The following TASOR2 variants were observed in gnomAD, a reference collection of about 807,000 sequenced individuals.
TASOR2 encodes the protein transcription activation suppressor family member 2.
In TASOR2, 84 loss-of-function variants were observed where a neutral mutation model predicts 199.5. The observed-to-expected ratio is 0.42, with a 90% CI of 0.35 to 0.50. The LOEUF is 0.50. Among genes scored for constraint, TASOR2 ranks in the 20% least tolerant of loss-of-function variants. TASOR2 has a pLI of 0.02. For synonymous variants in TASOR2, 1,103 were observed against 1,046.6 expected, an observed-to-expected ratio of 1.05 and a Z score of -1.04; for missense variants, 2,796 against 2,835.9, an observed-to-expected ratio of 0.99 and a Z score of 0.32.
chr10:5,689,217 T>C lies in TASOR2; in HGVS notation c.-288+4042T>C, dbSNP rs1836144861. 6.6e-6 allele frequency among the ~76,000 whole-genome samples: 1 copy of C among 152,248 alleles called. No homozygotes were observed. Among genetic ancestry groups the C allele is most frequent in the Non-Finnish European group, 1.5e-5 (1 of 68,040 alleles). On this transcript the variant is annotated intron_variant, in intron 1 of 20. Coordinates refer to ENST00000328090, the Ensembl canonical transcript of TASOR2. The surrounding 1 kb of genome is among the most constrained non-coding windows in gnomAD (Gnocchi z 4.1). Reference sequence around the variant, plus strand: ...ATTATTGCTATTGAAAAGTCACCTATCAGTCTATCAATTCATTTTGTTCTG... The same window carrying C: ...ATTATTGCTATTGAAAAGTCACCTACCAGTCTATCAATTCATTTTGTTCTG...
intron 15 of TASOR2, among the ~76,000 whole-genome samples, chr10:5,755,883 C>G (rs1005978471): frequency 6.6e-6 from 1 of 151,790 alleles, no homozygotes; most frequent in Admixed American, 6.6e-5. Flanking sequence ...CCCTAGCTAC[C>G]TGGGAGGCTG....
intron 1 of TASOR2, among the ~76,000 whole-genome samples, chr10:5,703,530 G>C (rs1838172504): frequency 9.4e-6 from 1 of 106,014 alleles, no homozygotes; most frequent in African/African-American, 3.6e-5. Context: ...TTTTGAGACA[G>C]TCTCACTCTG....
At position 5,685,886 on chromosome 10, in the gene TASOR2, T is replaced by A. The variant is rs549454468; in HGVS notation, c.-288+711T>A. Reference sequence around the variant, plus strand: ...TTCTCCCTGTAAGGTACAATTAGAATAGAAAAGTTTATGAAAGTGTATCCA... The same window carrying A: ...TTCTCCCTGTAAGGTACAATTAGAAAAGAAAAGTTTATGAAAGTGTATCCA... On this transcript the variant is annotated intron_variant, in intron 1 of 20. Transcript: ENST00000328090. The surrounding 1 kb of genome is among the most constrained non-coding windows in gnomAD (Gnocchi z 5.4). Among the ~76,000 whole-genome samples, 1 of 152,346 alleles carries A rather than the reference T, an allele frequency of 6.6e-6. No individual in the cohort carries two copies. The highest frequency in any genetic ancestry group is 1.9e-4 in the East Asian group (1 of 5,192).
chr10:5,709,732 A>G, intron 1 of TASOR2: 4 of 1,179,226 alleles, frequency 3.4e-6, no homozygotes, highest in Non-Finnish European at 4.3e-6. Flanking sequence ...AAATGTTTTT[A>G]GTTTTAATTT....
intron 1 of TASOR2, among the ~76,000 whole-genome samples, chr10:5,688,949 G>A (rs1433196618): frequency 2.6e-5 from 4 of 152,094 alleles, no homozygotes; most frequent in African/African-American, 9.7e-5. Flanking sequence ...ATTGCAGTGA[G>A]CCATCATCAT....
At chr10:5,758,850 C>T in intron 17 of TASOR2, 37 bp from the exon 19 acceptor site, 1 of 1,508,610 alleles carries the variant, frequency 6.6e-7, no homozygotes, top group Non-Finnish European at 9.2e-7. Flanking sequence ...GTACCTTAAA[C>T]TTGTCATCTT....
At chr10:5,709,352 ATG>A (rs1831624922) in intron 1 of TASOR2, among the ~76,000 whole-genome samples, 1 of 152,202 alleles carries the variant, frequency 6.6e-6, no homozygotes, top group African/African-American at 2.4e-5. Context: ...ATTTCAGATT[ATG>A]TGTTATAGCT....
chr10:5,704,809 C>A (rs10737013), intron 1 of TASOR2, among the ~76,000 whole-genome samples: 5 of 151,856 alleles, frequency 3.3e-5, no homozygotes, highest in Admixed American at 1.3e-4. Flanking sequence ...ACTTATGAAC[C>A]ATTTATATGT....
chr10:5,742,177 A>G lies in TASOR2; in HGVS notation c.2408A>G (p.Asn803Ser), dbSNP rs1464503619. The change falls in exon 14 of 21, where the codon AAT becomes AGT. Residue 803 changes from asparagine to serine, a missense_variant. Physicochemically the swap from Asn to Ser is conservative, Grantham distance 46. This residue lies in a region of TASOR2 where 1,941 missense variants were observed against 1,924.9 expected (regional missense o/e 1.01). Transcript: ENST00000328090. This position sits in a 1 kb window ranked among gnomAD's most constrained non-coding sequence, Gnocchi z 4.2. ...ATGTGGGTAGCTCTGTTTTACAGCA[A>G]TCAGAACAAAATCATACGATCTTCC... 1.2e-6 allele frequency: 2 copies of G among 1,614,198 alleles called. No homozygotes were observed. The highest frequency in any genetic ancestry group is 2.7e-5 in the African/African-American group (2 of 75,054).
chr10:5,692,769 CA>C (rs1836603945), intron 1 of TASOR2: 2 of 151,720 alleles, frequency 1.3e-5, no homozygotes, highest in Admixed American at 6.5e-5. Context: ...TGTTGACTTT[CA>C]AAAGGCGCCG....
exon 15 of TASOR2, chr10:5,749,893 T>C (rs1315479222): frequency 1.2e-6 from 2 of 1,614,210 alleles, no homozygotes; most frequent in Admixed American, 3.3e-5. Flanking sequence ...GTCAGCCTCC[T>C]ATGAAGACAT....
intron 18 of TASOR2, 108 bp from the exon 20 acceptor site, chr10:5,761,182 G>A: frequency 1.1e-6 from 1 of 904,998 alleles, no homozygotes; most frequent in Non-Finnish European, 1.7e-6. Context: ...AGAACGTCAA[G>A]AAGAAAGGCA....
Position 5,751,011 on chromosome 10 carries a change from A to C in TASOR2, c.6606+984A>C, listed in dbSNP as rs568254357. Among the ~76,000 whole-genome samples, 3 of 152,234 alleles carry C rather than the reference A, an allele frequency of 2.0e-5. No homozygotes were observed. In the South Asian group the frequency reaches 6.2e-4, roughly 32 times the overall value. On this transcript the variant is annotated intron_variant, in intron 15 of 20. Coordinates refer to ENST00000328090, the Ensembl canonical transcript of TASOR2. The surrounding 1 kb of genome is among the most constrained non-coding windows in gnomAD (Gnocchi z 5.3). ...GTGGAATTTCCTTCCGTTTGTGTTC[A>C]TGTGTTGTTTCTCCATGACTTAGGC... is the stretch of plus-strand genomic sequence containing the variant.
chr10:5,740,591 G>T lies in TASOR2; in HGVS notation c.2327+94G>T. The T allele has an allele frequency of 7.7e-7, 1 of 1,305,046 alleles. No individual in the cohort carries two copies. The highest frequency in any genetic ancestry group is 1.5e-5 in the African/African-American group (1 of 67,820). 80.8% of individuals were successfully genotyped at this position (1,305,046 alleles called of 1,614,324 possible). Reference sequence around the variant, plus strand: ...GAAACTTATGCCAAACTCTGGAGAAGGAGAAAGAAGTGTTGTGTTTAAAAC... The same window carrying T: ...GAAACTTATGCCAAACTCTGGAGAATGAGAAAGAAGTGTTGTGTTTAAAAC... On this transcript the variant is annotated intron_variant, in intron 13 of 20. Coordinates refer to ENST00000328090, the Ensembl canonical transcript of TASOR2. This position sits in a 1 kb window ranked among gnomAD's most constrained non-coding sequence, Gnocchi z 5.3.
intron 1 of TASOR2, among the ~76,000 whole-genome samples, chr10:5,692,375 G>T (rs1206433043): frequency 2.0e-5 from 3 of 152,120 alleles, no homozygotes; most frequent in African/African-American, 7.2e-5. Flanking sequence ...CTTACTAGGG[G>T]CTTGCGGGTA....
chr10:5,731,091 G>A (rs756668914), exon 11 of TASOR2: 5 of 1,613,738 alleles, frequency 3.1e-6, no homozygotes, highest in Non-Finnish European at 4.2e-6. Context: ...GTAAAAAGGT[G>A]AACTTGTGCC....
Position 5,762,103 on chromosome 10 carries a change from T to C in TASOR2, c.7175-429T>C, listed in dbSNP as rs72772339. Among the ~76,000 whole-genome samples, 956 of 152,178 alleles carry C rather than the reference T, an allele frequency of 6.3e-3. 6 individuals carry two copies. The highest frequency in any genetic ancestry group is 0.024 in the Middle Eastern group (7 of 294). ...CCAGCCTGGGCAACTTAGCGAGACC[T>C]CATCTCTACAGAAGTTGGCAGGTGT... On this transcript the variant is annotated intron_variant, in intron 19 of 20. Transcript: ENST00000328090.
Position 5,712,846 on chromosome 10 carries a change from AAAAG to A in TASOR2, c.-263_-260del. The A allele has an allele frequency of 8.1e-7, 1 of 1,231,074 alleles. No homozygotes were observed. The allele number at this position is 1,231,074 out of a possible 1,614,324, so 76.3% of individuals were successfully genotyped here. ...AGTACAAAACTTTTTACCAACAAAA[AAAAG>A]CAAGTAGTTATACTCAGGAAGAACT... On this transcript the variant is annotated 5_prime_UTR_variant, in exon 2 of 21. It removes the in-frame stop codon of an upstream open reading frame in the 5' UTR. Transcript: ENST00000328090.
chr10:5,726,827 G>C, intron 8 of TASOR2, 58 bp from the exon 10 acceptor site: 1 of 1,462,336 alleles, frequency 6.8e-7, no homozygotes, highest in Non-Finnish European at 9.6e-7. Context: ...TATGGGTAGA[G>C]GGAGAAGAGA....
Sources: allele counts gnomAD v4.1 joint callset (sites outside exome capture counted in the v4.1 genomes callset), GRCh38; gene constraint gnomAD v4.1.1; regional missense constraint gnomAD v4.1.1; non-coding constraint Gnocchi (gnomAD v3.1); transcripts MANE v1.5; gene names NCBI Gene and HGNC (gene_info 2026-07-23, HGNC 2026-07-21).